Variants in PDE11A observed in about 807,000 individuals in gnomAD.
The protein encoded by PDE11A is dual 3',5'-cyclic-AMP and -GMP phosphodiesterase 11A.
In PDE11A, 100 loss-of-function variants were observed where a neutral mutation model predicts 100.5. The observed-to-expected ratio is 1.00, with a 90% CI of 0.85 to 1.18. PDE11A has a LOEUF of 1.18. Ranked by LOEUF, PDE11A falls within the 50% of genes most tolerant of loss-of-function variation. The pLI, the probability that PDE11A is intolerant of heterozygous loss-of-function variation, is 0.00. For synonymous variants in PDE11A, 381 were observed against 420.8 expected, an observed-to-expected ratio of 0.91 and a Z score of 1.16; for missense variants, 1,141 against 1,152.6, an observed-to-expected ratio of 0.99 and a Z score of 0.15.
intron 1 of PDE11A, among the ~76,000 whole-genome samples, chr2:178,037,692 T>TA (rs1559050252): frequency 6.6e-6 from 1 of 152,058 alleles, no homozygotes; most frequent in Non-Finnish European, 1.5e-5. Flanking sequence ...TATGCAGCCA[T>TA]AAAAAAGAAT....
intron 2 of PDE11A, among the ~76,000 whole-genome samples, chr2:177,910,412 GTCTC>G (rs72413223): frequency 5.5e-5 from 8 of 146,038 alleles, no homozygotes; most frequent in South Asian, 4.4e-4. Context: ...CTCTCTCTCT[GTCTC>G]TCTCTCTCTC....
At chr2:177,680,803 CAT>C (rs1327471826) in intron 16 of PDE11A, 21 bp downstream of exon 16, 1 of 1,327,860 alleles carries the variant, frequency 7.5e-7, no homozygotes. Context: ...TGAAGAAACA[CAT>C]AAACAAGAGC....
intron 5 of PDE11A, among the ~76,000 whole-genome samples, chr2:177,848,202 T>A (rs1423799532): frequency 6.6e-6 from 1 of 152,180 alleles, no homozygotes; most frequent in East Asian, 1.9e-4. Flanking sequence ...TTCATACATT[T>A]AAGTCACAAC....
chr2:177,930,843 G>A (rs960878828), intron 2 of PDE11A, among the ~76,000 whole-genome samples: 2 of 152,066 alleles, frequency 1.3e-5, no homozygotes, highest in Non-Finnish European at 2.9e-5. Context: ...TGAACCAACC[G>A]GGACCTACTA....
chr2:178,061,275 A>G (rs1327664700), intron 1 of PDE11A, among the ~76,000 whole-genome samples: 1 of 151,992 alleles, frequency 6.6e-6, no homozygotes, highest in Non-Finnish European at 1.5e-5. Context: ...GGGATATTTG[A>G]CAATGTCTGG....
chr2:178,092,603 CTTT>C (rs570664748), intron 2 of PDE11A: 5 of 142,856 alleles, frequency 3.5e-5, no homozygotes, highest in Non-Finnish European at 4.6e-5. Context: ...ATATTTCTTT[CTTT>C]TTTTTTTTTT....
chr2:177,992,970 C>T (rs1001902546), intron 2 of PDE11A, among the ~76,000 whole-genome samples: 4 of 151,932 alleles, frequency 2.6e-5, no homozygotes, highest in East Asian at 1.9e-4. Flanking sequence ...GATGATTCTC[C>T]GCAAGCAGAA....
intron 3 of PDE11A, among the ~76,000 whole-genome samples, chr2:177,904,345 AC>A (rs1364492609): frequency 6.6e-6 from 1 of 152,116 alleles, no homozygotes; most frequent in Admixed American, 6.6e-5. Flanking sequence ...ACTTTCAGAA[AC>A]CCTTTCAATC....
intron 1 of PDE11A, among the ~76,000 whole-genome samples, chr2:178,062,644 C>A (rs941378483): frequency 4.6e-5 from 7 of 152,160 alleles, no homozygotes; most frequent in African/African-American, 1.7e-4. Context: ...TGTAATCATG[C>A]ATATTAAGTT....
In PDE11A at chr2:177,638,513, G is replaced by A. The variant is rs113717196; in HGVS notation, c.2647-8951C>T. ...ATTGATTGATTTTTCTAATTATTAT[G>A]GGTCAGATGTTTTTGCTTCTTTGCA... On this transcript the variant is annotated intron_variant, in intron 19 of 19. Coordinates refer to ENST00000286063, the MANE Select transcript of PDE11A (RefSeq NM_016953.4). Among the ~76,000 whole-genome samples the A allele has an allele frequency of 4.3e-3, 652 of 152,194 alleles. 5 individuals carry two copies. Among genetic ancestry groups the A allele is most frequent in the African/African-American group, 0.015 (621 of 41,518 alleles).
chr2:177,727,703 C>A lies in PDE11A; in HGVS notation c.1998G>T (p.Trp666Cys). The change falls in exon 12 of 20, where the codon TGG becomes TGT. Residue 666 changes from tryptophan to cysteine, a missense_variant. Physicochemically the swap from Trp to Cys is radical, Grantham distance 215 (BLOSUM62 -2). Coordinates refer to ENST00000286063, the MANE Select transcript of PDE11A (RefSeq NM_016953.4). ...GCTGACACACGTTGAAGGCATGTCT[C>A]CAGTTGTGGTATAGAACCATCCGAT... The part of the protein sequence containing the change: ...KNYRMVLYHN[W>C]RHAFNVCQLM... 1 of 1,612,154 alleles carries A rather than the reference C, an allele frequency of 6.2e-7. No homozygotes were observed. Among genetic ancestry groups the A allele is most frequent in the South Asian group, 1.1e-5 (1 of 91,034 alleles).
At chr2:177,880,144 G>T (rs1339663993) in intron 4 of PDE11A, among the ~76,000 whole-genome samples, 2 of 152,194 alleles carry the variant, frequency 1.3e-5, no homozygotes, top group African/African-American at 4.8e-5. Context: ...CTTCCCTAAA[G>T]AGAGGTCTGG....
At chr2:177,992,434 A>G (rs1484504930) in intron 2 of PDE11A, among the ~76,000 whole-genome samples, 1 of 143,778 alleles carries the variant, frequency 7.0e-6, no homozygotes, top group East Asian at 2.0e-4. Context: ...TTCTATGTAT[A>G]TAGATGGTAA....
intron 1 of PDE11A, among the ~76,000 whole-genome samples, chr2:178,106,418 T>C (rs961735488): frequency 1.3e-5 from 2 of 152,182 alleles, no homozygotes; most frequent in Non-Finnish European, 2.9e-5. Context: ...CAAGAGAAGC[T>C]TACTTTAAAA....
At chr2:178,061,303 CAGACTAGGCA>C (rs1033458100) in intron 1 of PDE11A, among the ~76,000 whole-genome samples, 1 of 151,830 alleles carries the variant, frequency 6.6e-6, no homozygotes, top group Non-Finnish European at 1.5e-5. Flanking sequence ...TTAAATTGTC[CAGACTAGGCA>C]AGTATCTAGT....
chr2:177,632,051 G>A (rs528553681), intron 19 of PDE11A, among the ~76,000 whole-genome samples: 50 of 152,286 alleles, frequency 3.3e-4, no homozygotes, highest in African/African-American at 1.2e-3. Flanking sequence ...TGTTTTGGAA[G>A]CTATGGAGAA....
chr2:178,048,694 G>T (rs977334637), intron 1 of PDE11A, among the ~76,000 whole-genome samples: 2 of 152,190 alleles, frequency 1.3e-5, no homozygotes, highest in African/African-American at 4.8e-5. Flanking sequence ...TGGGCATCCA[G>T]CATTTTCTGT....
intron 2 of PDE11A, among the ~76,000 whole-genome samples, chr2:178,095,440 C>A (rs1230401656): frequency 1.3e-5 from 2 of 152,324 alleles, no homozygotes; most frequent in Admixed American, 6.5e-5. Flanking sequence ...TGGTCTTGGG[C>A]AGCTCCACCC....
chr2:178,054,429 T>C (rs560253091), intron 1 of PDE11A, among the ~76,000 whole-genome samples: 1 of 152,186 alleles, frequency 6.6e-6, no homozygotes, highest in African/African-American at 2.4e-5. Context: ...ATTCAGGACA[T>C]AGGCATGGGC....
Sources: allele counts gnomAD v4.1 joint callset (sites outside exome capture counted in the v4.1 genomes callset), GRCh38; gene constraint gnomAD v4.1.1; transcripts MANE v1.5; gene names NCBI Gene and HGNC (gene_info 2026-07-23, HGNC 2026-07-21).